SLC37A1: variants seen among roughly 807,000 people sequenced by gnomAD.
SLC37A1 encodes glucose-6-phosphate exchanger SLC37A1.
Under a neutral mutation model 75.3 loss-of-function variants are expected in SLC37A1, and 49 were observed. The ratio of observed to expected loss-of-function variants is 0.65; its 90% CI spans 0.52 to 0.83. The LOEUF (loss-of-function observed/expected upper bound fraction) is 0.83. SLC37A1 is among the 40% of genes least tolerant of loss of function. SLC37A1 has a pLI of 0.00. For synonymous variants in SLC37A1, 268 were observed against 292.1 expected, an observed-to-expected ratio of 0.92 and a Z score of 0.84; for missense variants, 566 against 695.0, an observed-to-expected ratio of 0.81 and a Z score of 2.09.
At chr21:42,505,957 A>G (rs1247603929) in intron 2 of SLC37A1, among the ~76,000 whole-genome samples, 1 of 152,222 alleles carries the variant, frequency 6.6e-6, no homozygotes, top group East Asian at 1.9e-4. Flanking sequence ...ACCCTACATT[A>G]GAGGAGAAGA....
intron 17 of SLC37A1, 133 bp downstream of exon 17, chr21:42,568,571 C>A: frequency 1.2e-6 from 1 of 842,094 alleles, no homozygotes; most frequent in Non-Finnish European, 1.9e-6. Flanking sequence ...ACTATACGAG[C>A]AGATGAGCAG....
At chr21:42,515,453 T>C (rs1276150215) in intron 1 of SLC37A1, among the ~76,000 whole-genome samples, 3 of 152,256 alleles carry the variant, frequency 2.0e-5, no homozygotes, top group African/African-American at 7.2e-5. Context: ...CTAAAAAGAC[T>C]GAGGAACCTT....
chr21:42,574,305 C>T (rs994047317), intron 17 of SLC37A1, among the ~76,000 whole-genome samples: 6 of 152,110 alleles, frequency 3.9e-5, no homozygotes, highest in African/African-American at 9.7e-5. Flanking sequence ...GATTTCCTTA[C>T]GTGTACTCAA....
At chr21:42,543,683 TG>T in intron 8 of SLC37A1, 81 bp downstream of exon 8, 1 of 1,434,846 alleles carries the variant, frequency 7.0e-7, no homozygotes, top group Non-Finnish European at 9.4e-7. Flanking sequence ...GGGGCGAGTG[TG>T]AGAGCTGCGT....
chr21:42,568,978 T>C (rs1276752545), intron 17 of SLC37A1, among the ~76,000 whole-genome samples: 3 of 152,250 alleles, frequency 2.0e-5, no homozygotes, highest in Non-Finnish European at 4.4e-5. Context: ...TGGCCTTCCC[T>C]GAGCCCTTGT....
chr21:42,535,488 G>A lies in SLC37A1; in HGVS notation c.288G>A (p.Gln96=), dbSNP rs774035993. Residue 96 remains glutamine (Q), a synonymous_variant, in exon 5 of 20, where the codon CAG becomes CAA. Transcript: ENST00000352133. The part of the protein sequence containing the change: ...GWAPFDKNNY[Q]QLLGALDYSF... Reference sequence around the variant, plus strand: ...TTCATATAGATAAGAACAACTATCAGCAGCTGCTTGGGGCCCTGGACTACT... The same window carrying A: ...TTCATATAGATAAGAACAACTATCAACAGCTGCTTGGGGCCCTGGACTACT... 2.5e-6 allele frequency: 4 copies of A among 1,614,146 alleles called. No individual in the cohort carries two copies. The highest frequency in any genetic ancestry group is 1.1e-5 in the South Asian group (1 of 91,092).
At chr21:42,525,636 T>C in intron 2 of SLC37A1, 140 bp from the exon 3 acceptor site, 2 of 628,874 alleles carry the variant, frequency 3.2e-6, no homozygotes, top group Non-Finnish European at 2.8e-6. Flanking sequence ...AATATTATAG[T>C]GACATAAGTA....
Position 42,554,982 on chromosome 21 carries a change from G to GGT in SLC37A1, c.849+840_849+841insGT, listed in dbSNP as rs368777229. Among the ~76,000 whole-genome samples the GGT allele has an allele frequency of 1.2e-3, 139 of 116,564 alleles. 15 individuals carry two copies. The highest frequency in any genetic ancestry group is 8.3e-3 in the East Asian group (31 of 3,754). The allele number at this position is 116,564 out of a possible 152,430, so 76.5% of individuals were successfully genotyped here. A position where few individuals can be genotyped will look rare whatever the true frequency, so the allele number is the denominator to read the frequency against. On this transcript the variant is annotated intron_variant, in intron 10 of 19. Coordinates refer to ENST00000352133, the MANE Select transcript of SLC37A1 (RefSeq NM_001320537.2). ...TTTTTGTTTGTTTGGTTGGTTGGTT[G>GGT]TTTTTTTTTTTTTTTTTTTTTGAGA...
At position 42,558,975 on chromosome 21, in the gene SLC37A1, C is replaced by T. The variant is rs376481020; in HGVS notation, c.867C>T (p.Cys289=). 21 of 1,613,832 alleles carry T rather than the reference C, an allele frequency of 1.3e-5. No individual in the cohort carries two copies. In the African/African-American group the frequency reaches 2.7e-4, roughly 21 times the overall value. The change falls in exon 11 of 20, where the codon TGC becomes TGT. Residue 289 remains cysteine, a synonymous_variant. Transcript: ENST00000352133. Reference sequence around the variant, plus strand: ...GCCTCCAGGACCCAGAGATGCAGTGCCTGCTGCTCTCAGATGGGAAGGGCT... The same window carrying T: ...GCCTCCAGGACCCAGAGATGCAGTGTCTGCTGCTCTCAGATGGGAAGGGCT... ...KNKPLDPEMQ[C]LLLSDGKGSI...
chr21:42,520,634 G>GGT (rs1259969711), intron 2 of SLC37A1, among the ~76,000 whole-genome samples: 2 of 151,802 alleles, frequency 1.3e-5, no homozygotes, highest in Non-Finnish European at 2.9e-5. Flanking sequence ...AATAGAGAAG[G>GGT]GTGTGTGTGT....
At chr21:42,520,724 CT>C (rs898884547) in intron 2 of SLC37A1, among the ~76,000 whole-genome samples, 3 of 152,112 alleles carry the variant, frequency 2.0e-5, no homozygotes, top group Admixed American at 6.5e-5. Flanking sequence ...AGTGAGCACA[CT>C]TTGGTCCGGG....
rs1668041939 is a variant in SLC37A1 at position 42,547,122 on chromosome 21, C to T, written c.750C>T (p.Cys250=). ...FLIEHPNDVR[C]SSTLVTHSKG... is the part of the protein sequence containing the mutation. Reference sequence around the variant, plus strand: ...TTTCAGATCCGAACGACGTCAGGTGCTCCTCCACCCTGGTGACGGTAAGGA... The same window carrying T: ...TTTCAGATCCGAACGACGTCAGGTGTTCCTCCACCCTGGTGACGGTAAGGA... The change falls in exon 9 of 20, where the codon TGC becomes TGT. Residue 250 remains cysteine (C), a synonymous_variant. Coordinates refer to ENST00000352133, the MANE Select transcript of SLC37A1 (RefSeq NM_001320537.2). This position sits in a 1 kb window ranked among gnomAD's most constrained non-coding sequence, Gnocchi z 6.1. The T allele has an allele frequency of 6.2e-7, 1 of 1,614,184 alleles. No homozygotes were observed. The highest frequency in any genetic ancestry group is 8.5e-7 in the Non-Finnish European group (1 of 1,180,018).
Position 42,547,225 on chromosome 21 carries a change from A to T in SLC37A1, c.768+85A>T. On this transcript the variant is annotated intron_variant, in intron 9 of 19. Transcript: ENST00000352133. This position sits in a 1 kb window ranked among gnomAD's most constrained non-coding sequence, Gnocchi z 6.1. ...AGCCTGCTCCTGCCTGTGCGGTGTC[A>T]GACAGAAACACACAGGGTAGACAGA... is the stretch of plus-strand genomic sequence containing the variant. The T allele has an allele frequency of 2.8e-6, 4 of 1,436,084 alleles. No individual in the cohort carries two copies. The highest frequency in any genetic ancestry group is 3.9e-6 in the Non-Finnish European group (4 of 1,018,732). The allele number at this position is 1,436,084 out of a possible 1,614,324, so 89.0% of individuals were successfully genotyped here.
At chr21:42,554,986 T>G (rs796399320) in intron 10 of SLC37A1, among the ~76,000 whole-genome samples, 29 of 138,436 alleles carry the variant, frequency 2.1e-4, no homozygotes, top group African/African-American at 8.0e-4. Flanking sequence ...TTGGTTGTTT[T>G]TTTTTTTTTT....
rs771013557 is a variant in SLC37A1 at position 42,566,203 on chromosome 21, G to A, written c.1270+328G>A. On this transcript the variant is annotated intron_variant, in intron 15 of 19. Coordinates refer to ENST00000352133, the MANE Select transcript of SLC37A1 (RefSeq NM_001320537.2). ...CTCCTGGGGCCTTGGTGGGGCTGGCGGGGCTGCAGCAGCCTGCGACCTGCC... is the reference window on the plus strand; with the variant it reads ...CTCCTGGGGCCTTGGTGGGGCTGGCAGGGCTGCAGCAGCCTGCGACCTGCC... Among the ~76,000 whole-genome samples the A allele has an allele frequency of 1.4e-4, 21 of 152,190 alleles. 1 individual carries two copies. Among genetic ancestry groups the A allele is most frequent in the Non-Finnish European group, 2.9e-5 (2 of 68,026 alleles).
intron 18 of SLC37A1, among the ~76,000 whole-genome samples, chr21:42,578,491 C>T (rs2056351846): frequency 6.6e-6 from 1 of 152,206 alleles, no homozygotes; most frequent in Admixed American, 6.5e-5. Context: ...ACTTTTCATA[C>T]ATCACACTTG....
At chr21:42,565,598 G>A (rs1257903346) in intron 14 of SLC37A1, among the ~76,000 whole-genome samples, 1 of 152,224 alleles carries the variant, frequency 6.6e-6, no homozygotes, top group Non-Finnish European at 1.5e-5. Flanking sequence ...GGAGCACCCT[G>A]CAGACTTCCC....
Position 42,567,060 on chromosome 21 carries a change from T to C in SLC37A1, c.1344+2T>C. The C allele has an allele frequency of 6.2e-7, 1 of 1,609,140 alleles. No individual in the cohort carries two copies. Among genetic ancestry groups the C allele is most frequent in the Non-Finnish European group, 8.5e-7 (1 of 1,179,824 alleles). ...ACCACCGCCGTCTCCGCCGACCTGG[T>C]GAGTAGAACCGGGAGAGACACCAGC... On this transcript the variant is annotated splice_donor_variant, in intron 16 of 19. Coordinates refer to ENST00000352133, the MANE Select transcript of SLC37A1 (RefSeq NM_001320537.2). LOFTEE classifies it high-confidence loss of function.
intron 3 of SLC37A1, among the ~76,000 whole-genome samples, chr21:42,530,628 A>C (rs2054927600): frequency 1.7e-5 from 2 of 116,878 alleles, no homozygotes; most frequent in Non-Finnish European, 3.8e-5. Flanking sequence ...ACACACACAC[A>C]CACACACACA....
Sources: gnomAD v4.1 joint callset for allele counts (sites outside exome capture counted in the v4.1 genomes callset) on GRCh38, gnomAD v4.1.1 for gene constraint, Gnocchi (gnomAD v3.1) non-coding constraint, MANE v1.5 for transcripts, NCBI Gene and HGNC (gene_info 2026-07-23, HGNC 2026-07-21) for gene names.